The following DHX8 variants were observed in gnomAD, a reference collection of about 807,000 sequenced individuals.
DHX8 encodes the protein ATP-dependent RNA helicase DHX8.
In DHX8, 67 loss-of-function variants were observed where a neutral mutation model predicts 140.7. That is an observed-to-expected ratio of 0.48 (90% CI 0.39 to 0.58). DHX8 has a LOEUF of 0.58. Among genes scored for constraint, DHX8 ranks in the 20% least tolerant of loss-of-function variants. DHX8 has a pLI of 0.00. For synonymous variants in DHX8, 533 were observed against 553.2 expected (o/e 0.96, Z 0.51); for missense variants, 887 against 1,550.7 (o/e 0.57, Z 7.19).
At chr17:43,529,262 G>GCATCTCTACCCCAA, downstream of DHX8, 1 of 1,609,736 alleles carries the variant, frequency 6.2e-7, no homozygotes. Context: ...TTTTGGGGTA[G>GCATCTCTACCCCAA]AGATGCTACC....
At chr17:43,484,273 C>T in intron 1 of DHX8, 88 bp downstream of exon 1, 1 of 1,418,414 alleles carries the variant, frequency 7.1e-7, no homozygotes, top group Admixed American at 1.8e-5. Context: ...GTTGATGGAC[C>T]GAAAGTATGT....
chr17:43,521,229 C>T (rs911470992), intron 20 of DHX8, 140 bp from the exon 21 acceptor site: 2 of 726,496 alleles, frequency 2.8e-6, no homozygotes, highest in East Asian at 5.5e-5. Context: ...TCCCAAAATG[C>T]TGGGATTACA....
intron 16 of DHX8, among the ~76,000 whole-genome samples, chr17:43,509,137 A>G (rs1969661073): frequency 6.6e-6 from 1 of 152,200 alleles, no homozygotes; most frequent in Admixed American, 6.5e-5. Flanking sequence ...CCCAGTCAAC[A>G]GACTTTCAGC....
chr17:43,503,165 C>G (rs1342899959), intron 11 of DHX8, among the ~76,000 whole-genome samples: 2 of 151,898 alleles, frequency 1.3e-5, no homozygotes, highest in Non-Finnish European at 2.9e-5. Context: ...GAATTTGAAA[C>G]CAAGCTGGGC....
rs1299086866 is a variant in DHX8, at chr17:43,524,848, TTGTGCTGCCAGTATC to T, written c.*1010_*1024del. On this transcript the variant is annotated 3_prime_UTR_variant, in exon 23 of 23. Coordinates refer to ENST00000262415, the MANE Select transcript of DHX8 (RefSeq NM_004941.3). ...CATAACACCTCTCCTCTCAGCTGGTTTGTGCTGCCAGTATCTGTGCTGCAGGGCTTGTTCTTAGTG... is the reference window on the plus strand; with the variant it reads ...CATAACACCTCTCCTCTCAGCTGGTTTGTGCTGCAGGGCTTGTTCTTAGTG... 1 of 985,252 alleles carries T rather than the reference TTGTGCTGCCAGTATC, an allele frequency of 1.0e-6. No homozygotes were observed. The highest frequency in any genetic ancestry group is 1.7e-5 in the African/African-American group (1 of 57,200). 61.0% of individuals were successfully genotyped at this position (985,252 alleles called of 1,614,324 possible).
chr17:43,522,230 G>C lies in DHX8; in HGVS notation c.3443+4G>C. ...TCTTCAACAGACAGCCAGAATGGTA[G>C]GTGGACATGTCCCAGGGTCTAGGGG... On this transcript the variant is annotated splice_donor_region_variant and intron_variant, in intron 22 of 22. Transcript: ENST00000262415. 6.2e-7 allele frequency: 1 copy of C among 1,611,950 alleles called. No individual in the cohort carries two copies. Among genetic ancestry groups the C allele is most frequent in the Non-Finnish European group, 8.5e-7 (1 of 1,178,466 alleles).
rs112858326 is a variant in DHX8, at chr17:43,523,517, G to T, written c.3444-111G>T. ...CTGCAGTCTTATAGGTGTCAGGCAG[G>T]AGAGGTAATAGTATAAAATGTAAGC... is the stretch of plus-strand genomic sequence containing the variant. On this transcript the variant is annotated intron_variant, in intron 22 of 22. Coordinates refer to ENST00000262415, the MANE Select transcript of DHX8 (RefSeq NM_004941.3). The T allele has an allele frequency of 6.9e-5, 105 of 1,512,084 alleles. 3 individuals carry two copies. The African/African-American group carries it at 1.1e-3, about 15-fold the overall frequency. 93.7% of individuals were successfully genotyped at this position (1,512,084 alleles called of 1,614,324 possible).
rs1968684991 is a variant in DHX8 at position 43,493,799 on chromosome 17, T to C, written c.1125T>C (p.Leu375=). Residue 375 remains leucine, a synonymous_variant, in exon 8 of 23, where the codon CTT becomes CTC. Transcript: ENST00000262415. ...CTGATAGACCCACTCACTTGTCCCT[T>C]GTCAGTGCTCCTGAAGTAGAGGACG... The part of the protein sequence containing the change: ...RNPDRPTHLS[L]VSAPEVEDDS... 6.2e-7 allele frequency: 1 copy of C among 1,614,108 alleles called. No homozygotes were observed. The highest frequency in any genetic ancestry group is 1.7e-5 in the Admixed American group (1 of 60,006).
intron 3 of DHX8, 173 bp downstream of exon 3, chr17:43,490,636 G>A: frequency 1.7e-6 from 1 of 601,958 alleles, no homozygotes; most frequent in South Asian, 2.1e-5. Context: ...ACTTTGGGAG[G>A]CCAAGGTGGG....
In DHX8 at chr17:43,484,167, A is replaced by G. The variant is rs1475673416; in HGVS notation, c.130A>G (p.Ile44Val). 2.5e-6 allele frequency: 4 copies of G among 1,614,050 alleles called. No individual in the cohort carries two copies. Among genetic ancestry groups the G allele is most frequent in the Non-Finnish European group, 3.4e-6 (4 of 1,179,972 alleles). The change falls in exon 1 of 23, where the codon ATC (isoleucine) becomes GTC (valine). Residue 44 changes from isoleucine (I) to valine (V), a missense_variant. By Grantham distance (29) the Ile-to-Val change is conservative. Around this residue, in one of 9 missense-constraint regions of DHX8, gnomAD observed 304 missense variants for 306.9 expected, o/e 0.99. Coordinates refer to ENST00000262415, the MANE Select transcript of DHX8 (RefSeq NM_004941.3). ...VCTELDNHLG[I>V]NDKDLAEFVI... ...CACTGAGCTGGACAATCACTTGGGG[A>G]TCAACGACAAGGACCTTGGTGAGCT... is the stretch of plus-strand genomic sequence containing the variant.
downstream of DHX8, among the ~76,000 whole-genome samples, chr17:43,526,996 C>A (rs1970638459): frequency 6.6e-6 from 1 of 152,124 alleles, no homozygotes; most frequent in Admixed American, 6.5e-5. Context: ...GCTGCAGTTT[C>A]TATTTAACAG....
downstream of DHX8, among the ~76,000 whole-genome samples, chr17:43,531,529 C>A (rs1448732657): frequency 1.3e-5 from 2 of 152,168 alleles, no homozygotes; most frequent in East Asian, 3.9e-4. Flanking sequence ...CATGGTGAAA[C>A]CCCGTCTCTA....
chr17:43,509,888 CG>C (rs1227729348), intron 16 of DHX8, among the ~76,000 whole-genome samples: 1 of 152,114 alleles, frequency 6.6e-6, no homozygotes, highest in Non-Finnish European at 1.5e-5. Flanking sequence ...GGGCTGGTCT[CG>C]AACTCCTGAC....
intron 9 of DHX8, 117 bp downstream of exon 9, chr17:43,496,385 CATCTCTCAAAAAAAAAAGG>C: frequency 1.5e-6 from 1 of 656,146 alleles, no homozygotes; most frequent in Admixed American, 3.1e-5. Context: ...TCTCACTACT[CATCTCTCAAAAAAAAAAGG>C]ATCTCACCAT....
At chr17:43,499,006 T>A (rs1415754442) in intron 10 of DHX8, 47 bp downstream of exon 10, 1 of 1,425,558 alleles carries the variant, frequency 7.0e-7, no homozygotes. Context: ...GTGGACTTCT[T>A]TTTCTAAAGT....
At chr17:43,541,673 A>T (rs1313846020) in intron 3 of DHX8, among the ~76,000 whole-genome samples, 2 of 152,116 alleles carry the variant, frequency 1.3e-5, no homozygotes, top group Non-Finnish European at 2.9e-5. Flanking sequence ...CCCTCTTCCC[A>T]GGATCCAGTC....
At chr17:43,489,679 C>T (rs1968386928) in intron 2 of DHX8, 145 bp downstream of exon 2, 1 of 549,694 alleles carries the variant, frequency 1.8e-6, no homozygotes, top group South Asian at 2.2e-5. Context: ...CAAGCTCCGC[C>T]TCCCGGGTTC....
chr17:43,484,023 G>C lies in DHX8; in HGVS notation c.-15G>C. On this transcript the variant is annotated 5_prime_UTR_variant, in exon 1 of 23. Transcript: ENST00000262415. ...CGCCGGCTGTGAGGAAGGAGGTTCT[G>C]GGCAAGCTATAGCCATGGCTGTGGC... 2 of 1,613,948 alleles carry C rather than the reference G, an allele frequency of 1.2e-6. No homozygotes were observed. The highest frequency in any genetic ancestry group is 1.7e-6 in the Non-Finnish European group (2 of 1,179,914).
downstream of DHX8, chr17:43,525,869 A>G: frequency 4.1e-6 from 4 of 984,336 alleles, no homozygotes; most frequent in Non-Finnish European, 4.8e-6. Context: ...GACAATGTTG[A>G]CACCTGGGGA....
Sources: gnomAD v4.1 joint callset for allele counts (sites outside exome capture counted in the v4.1 genomes callset) on GRCh38, gnomAD v4.1.1 for gene constraint, gnomAD v4.1.1 regional missense constraint, MANE v1.5 for transcripts, NCBI Gene and HGNC (gene_info 2026-07-23, HGNC 2026-07-21) for gene names.